The following SHISA6 variants were observed in gnomAD, a reference collection of about 807,000 sequenced individuals.
SHISA6 encodes the protein protein shisa-6.
In SHISA6, 22 loss-of-function variants were observed where a neutral mutation model predicts 47.9. The observed-to-expected ratio is 0.46, with a 90% CI of 0.33 to 0.66. SHISA6 has a LOEUF of 0.66. Among genes scored for constraint, SHISA6 ranks in the 30% least tolerant of loss-of-function variants. The pLI, the probability that SHISA6 is intolerant of heterozygous loss-of-function variation, is 0.02. For synonymous variants in SHISA6, 388 were observed against 337.8 expected, an observed-to-expected ratio of 1.15 and a Z score of -1.63; for missense variants, 680 against 764.6, an observed-to-expected ratio of 0.89 and a Z score of 1.30.
chr17:11,403,435 C>T (rs972843579), intron 3 of SHISA6, among the ~76,000 whole-genome samples: 1 of 152,310 alleles, frequency 6.6e-6, no homozygotes, highest in South Asian at 2.1e-4. Flanking sequence ...CAGGGACCCA[C>T]CCTGGAAGTT....
intron 4 of SHISA6, among the ~76,000 whole-genome samples, chr17:11,555,232 C>T (rs541783488): frequency 5.3e-5 from 8 of 152,094 alleles, no homozygotes; most frequent in South Asian, 4.2e-4. Context: ...ATGCCATGGA[C>T]GGAGCATGGG....
At chr17:11,531,684 A>G (rs1018598055) in intron 3 of SHISA6, among the ~76,000 whole-genome samples, 3 of 152,256 alleles carry the variant, frequency 2.0e-5, no homozygotes, top group Admixed American at 6.5e-5. Context: ...CTTCACATTT[A>G]TAACATTGAC....
intron 2 of SHISA6, among the ~76,000 whole-genome samples, chr17:11,280,818 A>C (rs1421975089): frequency 6.6e-6 from 1 of 152,232 alleles, no homozygotes. Flanking sequence ...GAATGGCATG[A>C]GAGCAAGTTA....
chr17:11,271,108 G>C (rs189776456), intron 2 of SHISA6, among the ~76,000 whole-genome samples: 1 of 152,064 alleles, frequency 6.6e-6, no homozygotes. Flanking sequence ...AGGCGGGAAG[G>C]GTGTGAAACA....
intron 3 of SHISA6, among the ~76,000 whole-genome samples, chr17:11,483,726 G>C (rs1355752989): frequency 6.6e-6 from 1 of 152,200 alleles, no homozygotes; most frequent in African/African-American, 2.4e-5. Context: ...GGGAGGCCAA[G>C]GTGGGAGGAT....
intron 2 of SHISA6, among the ~76,000 whole-genome samples, chr17:11,298,661 T>C (rs1909828667): frequency 6.6e-6 from 1 of 152,122 alleles, no homozygotes; most frequent in South Asian, 2.1e-4. Flanking sequence ...GTGTTTGCCA[T>C]GATGATTCTG....
At chr17:11,304,959 C>T (rs924181320) in intron 2 of SHISA6, among the ~76,000 whole-genome samples, 5 of 152,150 alleles carry the variant, frequency 3.3e-5, no homozygotes, top group Admixed American at 6.5e-5. Flanking sequence ...CCGCATGTTT[C>T]GATGCACAGC....
At chr17:11,499,179 G>T (rs566002254) in intron 3 of SHISA6, among the ~76,000 whole-genome samples, 27 of 152,268 alleles carry the variant, frequency 1.8e-4, no homozygotes, top group Admixed American at 1.6e-3. Flanking sequence ...GGGGCAGGAA[G>T]TTCACCAGGG....
At chr17:11,385,937 G>A (rs1430929559) in intron 3 of SHISA6, among the ~76,000 whole-genome samples, 33 of 151,964 alleles carry the variant, frequency 2.2e-4, no homozygotes, top group Admixed American at 1.7e-3. Context: ...CCACGAGACC[G>A]AGGCTCGTGG....
chr17:11,428,291 G>A (rs1914656429), intron 3 of SHISA6, among the ~76,000 whole-genome samples: 1 of 152,228 alleles, frequency 6.6e-6, no homozygotes, highest in Non-Finnish European at 1.5e-5. Flanking sequence ...AACTGGAAAT[G>A]GAGATGAGAA....
intron 3 of SHISA6, among the ~76,000 whole-genome samples, chr17:11,495,775 G>C (rs2071402849): frequency 6.6e-6 from 1 of 152,156 alleles, no homozygotes; most frequent in Non-Finnish European, 1.5e-5. Flanking sequence ...CTAACATTCT[G>C]TAGGTCCCCT....
rs1289234657 is a variant in SHISA6 at position 11,558,594 on chromosome 17, CA to C, written c.*292del. ...CATTCTCACCCCCGACCACCTTCAC[CA>C]ACTCCCTTTCCGTCCCGCGCCTCCT... is the stretch of plus-strand genomic sequence containing the variant. On this transcript the variant is annotated 3_prime_UTR_variant, in exon 6 of 6. Transcript: ENST00000441885. 4.3e-6 allele frequency: 2 copies of C among 464,690 alleles called. No individual in the cohort carries two copies. The highest frequency in any genetic ancestry group is 3.9e-5 in the African/African-American group (2 of 51,508). The allele number at this position is 464,690 out of a possible 1,614,324, so 28.8% of individuals were successfully genotyped here. A position where few individuals can be genotyped will look rare whatever the true frequency, so the allele number is the denominator to read the frequency against.
intron 3 of SHISA6, among the ~76,000 whole-genome samples, chr17:11,405,497 C>A (rs2142267703): frequency 6.6e-6 from 1 of 152,182 alleles, no homozygotes; most frequent in Admixed American, 6.5e-5. Flanking sequence ...TAAAGCTTCC[C>A]AGGTAATAAC....
intron 2 of SHISA6, among the ~76,000 whole-genome samples, chr17:11,306,461 G>C (rs979744387): frequency 1.7e-4 from 26 of 152,174 alleles, no homozygotes; most frequent in Non-Finnish European, 1.3e-4. Flanking sequence ...GTTTCTGATT[G>C]AGACCCTGGT....
intron 2 of SHISA6, among the ~76,000 whole-genome samples, chr17:11,375,927 G>A (rs1481097703): frequency 6.6e-6 from 1 of 152,206 alleles, no homozygotes; most frequent in African/African-American, 2.4e-5. Context: ...GGTGGTGGAA[G>A]GCATGCTCTG....
chr17:11,417,542 G>A (rs1297634383), intron 3 of SHISA6, among the ~76,000 whole-genome samples: 1 of 152,168 alleles, frequency 6.6e-6, no homozygotes, highest in Non-Finnish European at 1.5e-5. Context: ...TTTGGAGATC[G>A]GGGACAATTT....
intron 2 of SHISA6, among the ~76,000 whole-genome samples, chr17:11,268,759 A>G (rs1389374335): frequency 1.3e-5 from 2 of 152,228 alleles, no homozygotes; most frequent in Non-Finnish European, 2.9e-5. Flanking sequence ...TCCTAGGACC[A>G]AGAACATCAC....
At chr17:11,250,551 A>G (rs555330042) in intron 1 of SHISA6, among the ~76,000 whole-genome samples, 30 of 152,364 alleles carry the variant, frequency 2.0e-4, no homozygotes, top group Non-Finnish European at 3.4e-4. Flanking sequence ...GTCTGCAGGC[A>G]GGGAAGCCAT....
chr17:11,491,850 C>T (rs1010554908), intron 3 of SHISA6, among the ~76,000 whole-genome samples: 2 of 146,194 alleles, frequency 1.4e-5, no homozygotes, highest in East Asian at 2.1e-4. Context: ...CTGCTAACTA[C>T]AACCTCCACC....
Sources: allele counts gnomAD v4.1 joint callset (sites outside exome capture counted in the v4.1 genomes callset), GRCh38; gene constraint gnomAD v4.1.1; transcripts MANE v1.5; gene names NCBI Gene and HGNC (gene_info 2026-07-23, HGNC 2026-07-21).